SH2D4B: variants seen among roughly 807,000 people sequenced by gnomAD.
SH2D4B encodes the protein SH2 domain containing 4B, also known as SH2 domain-containing protein 4B.
A neutral mutation model predicts 61.5 loss-of-function variants in SH2D4B; 45 were observed. The ratio of observed to expected loss-of-function variants is 0.73; its 90% CI spans 0.58 to 0.94. SH2D4B has a LOEUF of 0.94. SH2D4B is among the 40% of genes least tolerant of loss of function. The pLI is 0.00. For missense variants in SH2D4B, 572 were observed against 574.2 expected, an observed-to-expected ratio of 1.00 and a Z score of 0.04; for synonymous variants, 224 against 220.4, an observed-to-expected ratio of 1.02 and a Z score of -0.14.
intron 1 of SH2D4B, among the ~76,000 whole-genome samples, chr10:80,568,587 C>A (rs1842000719): frequency 1.3e-5 from 2 of 152,200 alleles, no homozygotes; most frequent in African/African-American, 4.8e-5. Flanking sequence ...GCCTGACCTG[C>A]AGGTGCTGTG....
intron 6 of SH2D4B, among the ~76,000 whole-genome samples, chr10:80,624,572 C>A (rs1377618504): frequency 6.6e-6 from 1 of 152,244 alleles, no homozygotes; most frequent in Non-Finnish European, 1.5e-5. Flanking sequence ...TACTGACTTT[C>A]TAGCCCAGAG....
intron 3 of SH2D4B, among the ~76,000 whole-genome samples, chr10:80,580,632 G>C (rs2132124697): frequency 6.6e-6 from 1 of 152,326 alleles, no homozygotes; most frequent in African/African-American, 2.4e-5. Flanking sequence ...AGTTTCTCAT[G>C]AGTCCCCTTG....
In SH2D4B at chr10:80,603,832, G is replaced by A. The variant is rs949046117; in HGVS notation, c.860+37G>A. 6 of 1,582,874 alleles carry A rather than the reference G, an allele frequency of 3.8e-6. No individual in the cohort carries two copies. In the African/African-American group the frequency reaches 6.7e-5, roughly 18 times the overall value. Reference sequence around the variant, plus strand: ...CTCCGTGTTGGTGTGGTTGGGGCAAGGGCCTTGGATTAGGGCATGGGACAC... The same window carrying A: ...CTCCGTGTTGGTGTGGTTGGGGCAAAGGCCTTGGATTAGGGCATGGGACAC... On this transcript the variant is annotated intron_variant, in intron 5 of 7. Transcript: ENST00000646907.
In SH2D4B at chr10:80,538,467, G is replaced by C; in HGVS notation, c.136G>C (p.Glu46Gln). The C allele has an allele frequency of 8.8e-6, 13 of 1,477,820 alleles. No homozygotes were observed. Among genetic ancestry groups the C allele is most frequent in the Non-Finnish European group, 1.2e-5 (13 of 1,113,498 alleles). 91.5% of individuals were successfully genotyped at this position (1,477,820 alleles called of 1,614,324 possible). The change falls in exon 1 of 8, where the codon GAG becomes CAG. Residue 46 changes from glutamate to glutamine, a missense_variant. By Grantham distance (29) the Glu-to-Gln change is conservative. Coordinates refer to ENST00000646907, the MANE Select transcript of SH2D4B (RefSeq NM_001388272.1). The surrounding 1 kb of genome is among the most constrained non-coding windows in gnomAD (Gnocchi z 4.8). ...GCGCTGGAAGGAGCGGGAGACTTGG[G>C]AGGCCCTGGCCCAGGACGAGGGTCT... The part of the protein sequence containing the change: ...LRRWKERETW[E>Q]ALAQDEGLRP...
chr10:80,546,000 TTC>T (rs985402082), intron 1 of SH2D4B, among the ~76,000 whole-genome samples: 2 of 148,448 alleles, frequency 1.3e-5, no homozygotes, highest in African/African-American at 5.0e-5. Context: ...TTTCTCTCCT[TTC>T]TCTCTCTCTT....
chr10:80,642,018 C>G (rs927384055), intron 7 of SH2D4B, among the ~76,000 whole-genome samples: 5 of 152,206 alleles, frequency 3.3e-5, no homozygotes, highest in African/African-American at 9.6e-5. Flanking sequence ...TGTATCTTAT[C>G]TAAGTATCTC....
intron 1 of SH2D4B, 47 bp from the exon 2 acceptor site, chr10:80,570,107 C>G: frequency 1.9e-6 from 3 of 1,610,622 alleles, no homozygotes; most frequent in South Asian, 2.2e-5. Context: ...TCATTCCTTA[C>G]TGATTGAAAA....
intron 4 of SH2D4B, among the ~76,000 whole-genome samples, chr10:80,594,175 T>G (rs1165063416): frequency 6.6e-6 from 1 of 152,154 alleles, no homozygotes; most frequent in Non-Finnish European, 1.5e-5. Flanking sequence ...TTTCTTAGAT[T>G]GTTGGGTGTT....
chr10:80,570,119 C>A, intron 1 of SH2D4B, 35 bp from the exon 2 acceptor site: 1 of 1,613,256 alleles, frequency 6.2e-7, no homozygotes, highest in South Asian at 1.1e-5. Flanking sequence ...GATTGAAAAT[C>A]AAACTTGTTT....
chr10:80,609,579 C>T, intron 6 of SH2D4B, 28 bp downstream of exon 6: 1 of 1,613,692 alleles, frequency 6.2e-7, no homozygotes, highest in Non-Finnish European at 8.5e-7. Context: ...GGCCCTGTGC[C>T]AGATGATTTC....
intron 1 of SH2D4B, among the ~76,000 whole-genome samples, chr10:80,543,217 G>A (rs1270547007): frequency 6.6e-6 from 1 of 152,162 alleles, no homozygotes; most frequent in African/African-American, 2.4e-5. Flanking sequence ...GCCCCTTTCT[G>A]GGCTGGCCAA....
At chr10:80,571,626 T>G in intron 3 of SH2D4B, 48 bp downstream of exon 3, 1 of 1,604,326 alleles carries the variant, frequency 6.2e-7, no homozygotes, top group South Asian at 1.1e-5. Flanking sequence ...AATTAGCCCC[T>G]GAGACCACTG....
intron 4 of SH2D4B, among the ~76,000 whole-genome samples, chr10:80,601,077 G>A (rs1476488525): frequency 6.6e-6 from 1 of 152,176 alleles, no homozygotes; most frequent in African/African-American, 2.4e-5. Flanking sequence ...AGGGCCACTT[G>A]GCAGACACAA....
intron 3 of SH2D4B, among the ~76,000 whole-genome samples, chr10:80,587,139 T>G (rs1014555652): frequency 1.9e-5 from 1 of 53,040 alleles, no homozygotes; most frequent in South Asian, 4.8e-4. Context: ...CGTTTTTTTT[T>G]TTTTTTGTTT....
At chr10:80,618,797 G>A (rs1317873915) in intron 6 of SH2D4B, among the ~76,000 whole-genome samples, 2 of 152,044 alleles carry the variant, frequency 1.3e-5, no homozygotes, top group African/African-American at 4.8e-5. Context: ...TGAGGGTGAA[G>A]TCCTAACCGA....
At chr10:80,597,681 A>AAAATG (rs1842400113) in intron 4 of SH2D4B, among the ~76,000 whole-genome samples, 1 of 152,016 alleles carries the variant, frequency 6.6e-6, no homozygotes, top group Admixed American at 6.6e-5. Flanking sequence ...TAAATAAAAT[A>AAAATG]AAATAAAATA....
At chr10:80,561,739 T>C (rs987055269) in intron 1 of SH2D4B, among the ~76,000 whole-genome samples, 1 of 152,168 alleles carries the variant, frequency 6.6e-6, no homozygotes, top group African/African-American at 2.4e-5. Flanking sequence ...AATAAATTTA[T>C]TGATATGGTT....
intron 3 of SH2D4B, among the ~76,000 whole-genome samples, chr10:80,572,029 T>C (rs939564203): frequency 1.5e-4 from 23 of 151,992 alleles, no homozygotes; most frequent in African/African-American, 4.6e-4. Flanking sequence ...GCCTCGGCCT[T>C]CCAAAGTGCT....
In SH2D4B at chr10:80,632,513, T is replaced by G. The variant is rs575084606; in HGVS notation, c.989-1772T>G. On this transcript the variant is annotated intron_variant, in intron 6 of 7. Transcript: ENST00000646907. ...CCACCCTAGTAACACTCCCCTCCTC[T>G]CCAACCCTAGCCCCGCTACCATATC... Among the ~76,000 whole-genome samples the G allele has an allele frequency of 3.9e-5, 6 of 152,254 alleles. No homozygotes were observed. In the East Asian group the frequency reaches 1.2e-3, roughly 29 times the overall value.
Sources: gnomAD v4.1 joint callset for allele counts (sites outside exome capture counted in the v4.1 genomes callset) on GRCh38, gnomAD v4.1.1 for gene constraint, Gnocchi (gnomAD v3.1) non-coding constraint, MANE v1.5 for transcripts, NCBI Gene and HGNC (gene_info 2026-07-23, HGNC 2026-07-21) for gene names.